ADISSP: variants seen among roughly 807,000 people sequenced by gnomAD.
ADISSP encodes adipose-secreted signaling protein.
At chr20:3,755,513 G>A in the ADISSP span, 386 of 1,613,168 alleles carry the variant, frequency 2.4e-4, no homozygotes, top group African/African-American at 4.1e-3. Context: ...GTGCAGGCTG[G>A]GGACAGGTGC....
At chr20:3,754,183 G>A in the ADISSP span, 2 of 1,590,338 alleles carry the variant, frequency 1.3e-6, no homozygotes, top group South Asian at 1.1e-5. Context: ...GCAAGTCAGT[G>A]CCATGCTGGC....
chr20:3,760,071 A>G, the ADISSP span: 1 of 1,610,326 alleles, frequency 6.2e-7, no homozygotes, highest in Non-Finnish European at 8.5e-7. Context: ...CCACGCCAGG[A>G]AGGCACTTAC....
chr20:3,760,931 G>T, the ADISSP span, among the ~76,000 whole-genome samples: 1 of 152,208 alleles, frequency 6.6e-6, no homozygotes, highest in Non-Finnish European at 1.5e-5. Flanking sequence ...GGAAACAGAT[G>T]GAACACATAA....
At chr20:3,763,391 C>A in the ADISSP span, among the ~76,000 whole-genome samples, 3 of 151,380 alleles carry the variant, frequency 2.0e-5, no homozygotes, top group Non-Finnish European at 4.4e-5. Context: ...AACCCTGTCT[C>A]TACTAAAAAA....
the ADISSP span, among the ~76,000 whole-genome samples, chr20:3,756,303 C>T: frequency 6.6e-6 from 1 of 152,250 alleles, no homozygotes; most frequent in African/African-American, 2.4e-5. Context: ...GGCCCATACT[C>T]ACGACCCAAG....
At chr20:3,763,591 G>T in the ADISSP span, among the ~76,000 whole-genome samples, 1 of 151,642 alleles carries the variant, frequency 6.6e-6, no homozygotes, top group Admixed American at 6.6e-5. Context: ...TGGGGGATCT[G>T]GAAAATGTAA....
chr20:3,754,628 C>A, the ADISSP span: 5 of 1,180,870 alleles, frequency 4.2e-6, no homozygotes, highest in East Asian at 2.4e-5. Context: ...CATGCTAAGC[C>A]CCCCCAAGAA....
chr20:3,766,501 T>C, the ADISSP span, among the ~76,000 whole-genome samples: 1 of 152,222 alleles, frequency 6.6e-6, no homozygotes, highest in Non-Finnish European at 1.5e-5. Context: ...CACACCTTCC[T>C]GCCTCCCCAA....
the ADISSP span, chr20:3,755,328 A>G: frequency 5.5e-6 from 4 of 726,644 alleles, no homozygotes; most frequent in South Asian, 6.8e-5. Flanking sequence ...GGGACCTGCC[A>G]TGCTGCCACA....
the ADISSP span, among the ~76,000 whole-genome samples, chr20:3,763,387 G>C: frequency 4.0e-5 from 6 of 151,262 alleles, no homozygotes; most frequent in Non-Finnish European, 8.8e-5. Flanking sequence ...GAGAAACCCT[G>C]TCTCTACTAA....
At chr20:3,765,882 T>TAG in the ADISSP span, among the ~76,000 whole-genome samples, 1 of 151,098 alleles carries the variant, frequency 6.6e-6, no homozygotes, top group South Asian at 2.1e-4. Context: ...ACATGGTGCC[T>TAG]CCCCGCCAGC....
At chr20:3,766,772 C>G in the ADISSP span, among the ~76,000 whole-genome samples, 1 of 152,190 alleles carries the variant, frequency 6.6e-6, no homozygotes, top group East Asian at 1.9e-4. Flanking sequence ...CATTTTCCCT[C>G]CACAAAAGAC....
chr20:3,757,275 G>A, the ADISSP span, among the ~76,000 whole-genome samples: 1 of 152,008 alleles, frequency 6.6e-6, no homozygotes, highest in Non-Finnish European at 1.5e-5. Flanking sequence ...GCTTGAACCT[G>A]GGAGCTGGAG....
At chr20:3,757,119 C>G in the ADISSP span, among the ~76,000 whole-genome samples, 1 of 152,122 alleles carries the variant, frequency 6.6e-6, no homozygotes. Context: ...GGGAGGCCGA[C>G]ACGGACGGAT....
chr20:3,765,997 T>G, the ADISSP span, among the ~76,000 whole-genome samples: 1 of 152,210 alleles, frequency 6.6e-6, no homozygotes, highest in Non-Finnish European at 1.5e-5. Flanking sequence ...CTGGTCAGCA[T>G]GCTCCCAACG....
the ADISSP span, chr20:3,760,157 C>T: frequency 7.0e-7 from 1 of 1,422,000 alleles, no homozygotes; most frequent in Admixed American, 1.7e-5. Flanking sequence ...GCTCAGCAGC[C>T]TCCCATGCTC....
the ADISSP span, chr20:3,754,570 C>G: frequency 6.3e-7 from 1 of 1,590,604 alleles, no homozygotes; most frequent in Non-Finnish European, 8.6e-7. Flanking sequence ...CCTCCCCGAT[C>G]CTGCCCCTGG....
chr20:3,754,246 G>C, the ADISSP span: 2 of 1,475,640 alleles, frequency 1.4e-6, no homozygotes, highest in Non-Finnish European at 1.9e-6. Flanking sequence ...TTCCCTCAGG[G>C]ATCAGCTGGA....
the ADISSP span, among the ~76,000 whole-genome samples, chr20:3,759,195 CAG>C: frequency 3.3e-5 from 5 of 152,106 alleles, no homozygotes; most frequent in Admixed American, 2.0e-4. The surrounding 1 kb of genome is among the most constrained non-coding windows in gnomAD (Gnocchi z 4.6). Flanking sequence ...GTGGCAGAAA[CAG>C]GGGGGATCAA....
Sources: allele counts gnomAD v4.1 joint callset (sites outside exome capture counted in the v4.1 genomes callset), GRCh38; gene constraint gnomAD v4.1.1; non-coding constraint Gnocchi (gnomAD v3.1); transcripts MANE v1.5; gene names NCBI Gene and HGNC (gene_info 2026-07-23, HGNC 2026-07-21).